The following SPATA7 variants were observed in gnomAD, a reference collection of about 807,000 sequenced individuals.
The protein encoded by SPATA7 is spermatogenesis associated 7.
Under a neutral mutation model 51.8 loss-of-function variants are expected in SPATA7, and 43 were observed. That is an observed-to-expected ratio of 0.83 (90% confidence interval 0.65 to 1.07). The LOEUF is 1.07. SPATA7 is among the 50% of genes least tolerant of loss of function. The pLI is 0.00. For missense variants in SPATA7, 683 were observed against 701.3 expected (o/e 0.97, Z 0.30); for synonymous variants, 230 against 252.8 (o/e 0.91, Z 0.86).
intron 5 of SPATA7, 140 bp from the exon 6 acceptor site, chr14:88,426,092 T>TA (rs2076783034): frequency 3.0e-6 from 2 of 669,508 alleles, no homozygotes; most frequent in East Asian, 2.7e-5. Context: ...GAACTTCAGA[T>TA]AAAATATTAA....
chr14:88,467,290 A>G (rs774777320), intron 4 of SPATA7: 9 of 152,228 alleles, frequency 5.9e-5, no homozygotes, highest in Admixed American at 2.6e-4. Flanking sequence ...AAAAGTGCTT[A>G]AAACCACCCT....
chr14:88,413,865 C>T (rs1004843133), intron 4 of SPATA7, among the ~76,000 whole-genome samples: 6 of 151,908 alleles, frequency 3.9e-5, no homozygotes, highest in Non-Finnish European at 2.9e-5. Context: ...TATTGATTTG[C>T]ATATGTTGAA....
Position 88,393,388 on chromosome 14 carries a change from T to C in SPATA7, c.95-5T>C. 6.4e-7 allele frequency: 1 copy of C among 1,566,590 alleles called. No homozygotes were observed. Among genetic ancestry groups the C allele is most frequent in the South Asian group, 1.2e-5 (1 of 85,460 alleles). On this transcript the variant is annotated splice_region_variant and splice_polypyrimidine_tract_variant and intron_variant, in intron 2 of 11. Coordinates refer to ENST00000393545, the MANE Select transcript of SPATA7 (RefSeq NM_018418.5). Reference sequence around the variant, plus strand: ...AATATATAATGATTATGTTTTAATTTTTAGCTTTTTGCACTGACTCCTCTT... The same window carrying C: ...AATATATAATGATTATGTTTTAATTCTTAGCTTTTTGCACTGACTCCTCTT...
intron 10 of SPATA7, among the ~76,000 whole-genome samples, chr14:88,436,565 T>G (rs1304607339): frequency 4.6e-5 from 7 of 152,180 alleles, no homozygotes; most frequent in African/African-American, 1.7e-4. Flanking sequence ...AGAACTTATA[T>G]TTAAGCCTTT....
chr14:88,390,899 A>G lies in SPATA7; in HGVS notation c.20-482A>G, dbSNP rs542534754. 7.1e-4 allele frequency among the ~76,000 whole-genome samples: 108 copies of G among 152,076 alleles called. 1 individual carries two copies. The highest frequency in any genetic ancestry group is 3.2e-3 in the Middle Eastern group (1 of 316). On this transcript the variant is annotated intron_variant, in intron 1 of 11. Coordinates refer to ENST00000393545, the MANE Select transcript of SPATA7 (RefSeq NM_018418.5). Reference sequence around the variant, plus strand: ...ATCACCTTGACTTGTATTGTCCTAAATATTTTTTTCCTTCCTGCACTCTGA... The same window carrying G: ...ATCACCTTGACTTGTATTGTCCTAAGTATTTTTTTCCTTCCTGCACTCTGA...
rs970947550 is a variant in SPATA7, at chr14:88,435,665, C to A, written c.1161-1878C>A. On this transcript the variant is annotated intron_variant, in intron 10 of 11. Transcript: ENST00000393545. ...TTTTGATTTTTAGATCCCACAAATA[C>A]GTGGGAGAATGCAATGTTTGTCTTT... 2.6e-5 allele frequency among the ~76,000 whole-genome samples: 4 copies of A among 152,206 alleles called. No homozygotes were observed. The South Asian group carries it at 8.3e-4, about 32-fold the overall frequency.
intron 3 of SPATA7, among the ~76,000 whole-genome samples, chr14:88,451,371 G>A (rs374030523): frequency 2.0e-5 from 3 of 152,072 alleles, no homozygotes; most frequent in Admixed American, 6.6e-5. Flanking sequence ...GGTTCACCAC[G>A]TTGGGCAGGC....
At chr14:88,408,906 A>G (rs1287254850) in intron 4 of SPATA7, among the ~76,000 whole-genome samples, 1 of 152,162 alleles carries the variant, frequency 6.6e-6, no homozygotes, top group Non-Finnish European at 1.5e-5. Context: ...GTGATGAATT[A>G]TGTTTATTGA....
intron 5 of SPATA7, 52 bp from the exon 6 acceptor site, chr14:88,426,180 A>C (rs532056013): frequency 2.0e-4 from 267 of 1,317,674 alleles, no homozygotes; most frequent in Middle Eastern, 1.4e-3. Flanking sequence ...CAAAATCCCC[A>C]ATTACATGAA....
At chr14:88,435,824 A>G (rs768257675) in intron 10 of SPATA7, among the ~76,000 whole-genome samples, 34 of 152,218 alleles carry the variant, frequency 2.2e-4, no homozygotes, top group Non-Finnish European at 1.0e-4. Context: ...TTATCCATTC[A>G]TTTGTTAATG....
At chr14:88,461,756 T>A (rs888295351) in intron 4 of SPATA7, among the ~76,000 whole-genome samples, 1 of 152,108 alleles carries the variant, frequency 6.6e-6, no homozygotes, top group Non-Finnish European at 1.5e-5. Flanking sequence ...ATGAACCCGG[T>A]ACCTCAGTTG....
intron 3 of SPATA7, among the ~76,000 whole-genome samples, chr14:88,450,004 G>C (rs2077240508): frequency 6.6e-6 from 1 of 152,048 alleles, no homozygotes. Flanking sequence ...CTTGCTGCTT[G>C]TTATTGGCCT....
rs1214909899 is a variant in SPATA7 at position 88,417,964 on chromosome 14, GACT to G, written c.372+1124_372+1126del. Among the ~76,000 whole-genome samples, 8 of 152,230 alleles carry G rather than the reference GACT, an allele frequency of 5.3e-5. No individual in the cohort carries two copies. The East Asian group carries it at 1.4e-3, about 26-fold the overall frequency. On this transcript the variant is annotated intron_variant, in intron 5 of 11. Transcript: ENST00000393545. ...AAAGTATTTTTTATGAGAAGATTTT[GACT>G]ACTGATTCAATTTTTTAAGTCATTA...
At chr14:88,453,878 A>G (rs531875510) in intron 3 of SPATA7, among the ~76,000 whole-genome samples, 56 of 152,310 alleles carry the variant, frequency 3.7e-4, no homozygotes, top group African/African-American at 1.2e-3. Flanking sequence ...TGGGAGGAAG[A>G]TCTTTTTGGG....
chr14:88,430,633 A>G (rs2076914543), intron 8 of SPATA7, among the ~76,000 whole-genome samples: 1 of 152,150 alleles, frequency 6.6e-6, no homozygotes, highest in Admixed American at 6.6e-5. Flanking sequence ...CATTGTTTAT[A>G]CTAGAGAAGT....
chr14:88,450,691 A>G (rs908659579), intron 3 of SPATA7, among the ~76,000 whole-genome samples: 4 of 152,176 alleles, frequency 2.6e-5, no homozygotes, highest in Non-Finnish European at 5.9e-5. Flanking sequence ...GTTATCTTTT[A>G]TAGGTTACCT....
At chr14:88,439,273 A>G (rs1022990843), downstream of SPATA7, among the ~76,000 whole-genome samples, 17 of 152,148 alleles carry the variant, frequency 1.1e-4, no homozygotes, top group Non-Finnish European at 1.5e-4. Flanking sequence ...TCAGTGACCC[A>G]GGGAATTCTG....
Position 88,393,492 on chromosome 14 carries a change from A to G in SPATA7, c.190+4A>G. The stretch of plus-strand genomic sequence containing the variant: ...AATAAAATCCTTTCAGCCAAAGGTA[A>G]AAATGTGCAAATGTGAACTCTCTGT... On this transcript the variant is annotated splice_donor_region_variant and intron_variant, in intron 3 of 11. Transcript: ENST00000393545. 6.3e-7 allele frequency: 1 copy of G among 1,586,412 alleles called. No individual in the cohort carries two copies. The highest frequency in any genetic ancestry group is 8.6e-7 in the Non-Finnish European group (1 of 1,161,840).
intron 5 of SPATA7, among the ~76,000 whole-genome samples, chr14:88,425,095 C>G (rs1284692181): frequency 1.3e-5 from 2 of 152,172 alleles, no homozygotes; most frequent in African/African-American, 4.8e-5. Context: ...CTGTGAGACA[C>G]TGCACCTCAG....
Sources: gnomAD v4.1 joint callset for allele counts (sites outside exome capture counted in the v4.1 genomes callset) on GRCh38, gnomAD v4.1.1 for gene constraint, MANE v1.5 for transcripts, NCBI Gene and HGNC (gene_info 2026-07-23, HGNC 2026-07-21) for gene names.